Variants in ANKRD7 observed in about 807,000 individuals in gnomAD.
ANKRD7 encodes ankyrin repeat domain-containing protein 7.
A neutral mutation model predicts 30.8 loss-of-function variants in ANKRD7; 30 were observed. The ratio of observed to expected loss-of-function variants is 0.97; its 90% confidence interval spans 0.73 to 1.32. ANKRD7 has a LOEUF of 1.32. Ranked by LOEUF, ANKRD7 falls within the 40% of genes most tolerant of loss-of-function variation. The probability of loss-of-function intolerance (pLI) is 0.00; values close to 1 mark genes in which losing one functional copy is unlikely to be tolerated. For synonymous variants in ANKRD7, 97 were observed against 106.6 expected (o/e 0.91, Z 0.55); for missense variants, 264 against 295.7 (o/e 0.89, Z 0.79).
intron 1 of ANKRD7, among the ~76,000 whole-genome samples, chr7:118,229,468 A>G (rs1809597529): frequency 6.6e-6 from 1 of 152,192 alleles, no homozygotes; most frequent in Admixed American, 6.5e-5. Flanking sequence ...CTCATCACCT[A>G]GAACCCTGCC....
intron 1 of ANKRD7, among the ~76,000 whole-genome samples, chr7:118,230,551 G>A (rs1197995936): frequency 6.6e-6 from 1 of 151,820 alleles, no homozygotes; most frequent in Non-Finnish European, 1.5e-5. Context: ...AATTCATAAA[G>A]TTGTACACTT....
At chr7:118,241,017 G>A (rs897845425) in intron 6 of ANKRD7, among the ~76,000 whole-genome samples, 13 of 149,730 alleles carry the variant, frequency 8.7e-5, no homozygotes, top group African/African-American at 2.9e-4. Flanking sequence ...AGCCGGGCGC[G>A]GTGGCGGGCG....
intron 1 of ANKRD7, 117 bp downstream of exon 1, chr7:118,225,126 G>C: frequency 8.3e-7 from 1 of 1,199,234 alleles, no homozygotes; most frequent in South Asian, 1.4e-5. Flanking sequence ...TCCCAAAGAA[G>C]AGAGATTGTC....
chr7:118,236,106 G>A lies in ANKRD7; in HGVS notation c.534G>A (p.Leu178=), dbSNP rs558248798. 4 of 1,607,976 alleles carry A rather than the reference G, an allele frequency of 2.5e-6. No individual in the cohort carries two copies. The highest frequency in any genetic ancestry group is 2.7e-5 in the African/African-American group (2 of 74,806). ...ATCCAAAAATGGTAAAATTTCTTCT[G>A]GAGAAAGGGGCTGATGTGAATGCTT... ...NNNPKMVKFL[L]EKGADVNASD... The change falls in exon 4 of 7, where the codon CTG becomes CTA. Residue 178 remains leucine, a synonymous_variant. Coordinates refer to ENST00000265224, the MANE Select transcript of ANKRD7 (RefSeq NM_019644.4).
Position 118,237,055 on chromosome 7 carries a change from ATTCTTG to A in ANKRD7, c.712+130_712+135del, listed in dbSNP as rs1809742540. 3 of 964,378 alleles carry A rather than the reference ATTCTTG, an allele frequency of 3.1e-6. No homozygotes were observed. The African/African-American group carries it at 5.0e-5, about 16-fold the overall frequency. The allele number at this position is 964,378 out of a possible 1,614,324, so 59.7% of individuals were successfully genotyped here. A position where few individuals can be genotyped will look rare whatever the true frequency, so the allele number is the denominator to read the frequency against. On this transcript the variant is annotated intron_variant, in intron 5 of 6. Transcript: ENST00000265224. ...TAACCACATACAAATCTGTGCAGGG[ATTCTTG>A]ATTTTCTCTGTTTGTGGGTTCAATC...
intron 1 of ANKRD7, among the ~76,000 whole-genome samples, chr7:118,228,710 C>T (rs1809584113): frequency 6.6e-6 from 1 of 152,132 alleles, no homozygotes; most frequent in African/African-American, 2.4e-5. Flanking sequence ...CCTCTAATTC[C>T]TTCACATCCA....
At chr7:118,238,526 T>A (rs17141130) in intron 5 of ANKRD7, among the ~76,000 whole-genome samples, 23,067 of 152,146 alleles carry the variant, frequency 0.15, 3,289 homozygotes, top group African/African-American at 0.36. Context: ...CTATGTAACG[T>A]ACTTAAGAAT....
rs773527703 is a variant in ANKRD7, at chr7:118,234,781, T to C, written c.375T>C (p.Tyr125=). The change falls in exon 3 of 7, where the codon TAT becomes TAC. Residue 125 remains tyrosine, a synonymous_variant. Coordinates refer to ENST00000265224, the MANE Select transcript of ANKRD7 (RefSeq NM_019644.4). The part of the protein sequence containing the change: ...GADPDLRDIR[Y]NTVLHYAVCG... ...ACCCAGATCTGAGGGATATTCGTTA[T>C]AATACTGTTCTTCACTATGCTGTTT... The C allele has an allele frequency of 1.2e-6, 2 of 1,613,386 alleles. No homozygotes were observed. Among genetic ancestry groups the C allele is most frequent in the East Asian group, 2.2e-5 (1 of 44,790 alleles).
intron 1 of ANKRD7, among the ~76,000 whole-genome samples, chr7:118,225,213 G>A (rs1306698937): frequency 6.6e-6 from 1 of 152,018 alleles, no homozygotes; most frequent in East Asian, 1.9e-4. Context: ...TGGGCCGGGC[G>A]TGGTTGCTCA....
chr7:118,238,186 C>A (rs1329332676), intron 5 of ANKRD7, among the ~76,000 whole-genome samples: 2 of 152,058 alleles, frequency 1.3e-5, no homozygotes, highest in Non-Finnish European at 2.9e-5. Flanking sequence ...ACAGAAAATT[C>A]TTTTTGTAGA....
At chr7:118,228,139 A>T in intron 1 of ANKRD7, 1 of 1,058,500 alleles carries the variant, frequency 9.4e-7, no homozygotes, top group African/African-American at 1.7e-5. Context: ...ATTTCTCCTA[A>T]TTCTGTGGAC....
chr7:118,229,254 G>A (rs1809593578), intron 1 of ANKRD7, among the ~76,000 whole-genome samples: 1 of 152,068 alleles, frequency 6.6e-6, no homozygotes. Flanking sequence ...TTACTAGTGA[G>A]GGCTTCCCTG....
intron 6 of ANKRD7, among the ~76,000 whole-genome samples, chr7:118,240,242 A>G (rs1424290587): frequency 6.6e-6 from 1 of 152,074 alleles, no homozygotes; most frequent in Non-Finnish European, 1.5e-5. Flanking sequence ...TACATGTGCC[A>G]TGCTGGTGCA....
At chr7:118,241,160 C>CAAAAAAAAA (rs60703234) in intron 6 of ANKRD7, among the ~76,000 whole-genome samples, 1 of 21,848 alleles carries the variant, frequency 4.6e-5, no homozygotes, top group African/African-American at 1.4e-4. Context: ...GACTCCGTCT[C>CAAAAAAAAA]AAAAAAAAAA....
At chr7:118,227,799 T>C in intron 1 of ANKRD7, 1 of 1,080,508 alleles carries the variant, frequency 9.3e-7, no homozygotes, top group Non-Finnish European at 1.2e-6. Context: ...TTTTGGGAGT[T>C]TTCAAGTCAT....
intron 1 of ANKRD7, among the ~76,000 whole-genome samples, chr7:118,230,443 T>G (rs974190019): frequency 2.0e-5 from 3 of 151,684 alleles, no homozygotes; most frequent in Admixed American, 1.3e-4. Context: ...AAAAAAAGGA[T>G]AGTGACATAA....
chr7:118,236,656 A>AT, intron 4 of ANKRD7, 134 bp from the exon 5 acceptor site: 2 of 949,788 alleles, frequency 2.1e-6, no homozygotes, highest in Non-Finnish European at 3.2e-6. Context: ...GATCTGCTGT[A>AT]TTTTTTACAT....
intron 1 of ANKRD7, among the ~76,000 whole-genome samples, chr7:118,231,179 A>G (rs1809632632): frequency 6.6e-6 from 1 of 152,024 alleles, no homozygotes; most frequent in Non-Finnish European, 1.5e-5. Flanking sequence ...TTAAACAAAG[A>G]TCTGCAAAGC....
rs868157169 is a variant in ANKRD7, at chr7:118,229,154, C to G, written c.179+4145C>G. On this transcript the variant is annotated intron_variant, in intron 1 of 6. Coordinates refer to ENST00000265224, the MANE Select transcript of ANKRD7 (RefSeq NM_019644.4). The stretch of plus-strand genomic sequence containing the variant: ...AAGACATGCATTTAGGGTTTTTGGA[C>G]TAGCTGGTCCCTCTGCCTGGGGTGC... Among the ~76,000 whole-genome samples, 3 of 152,086 alleles carry G rather than the reference C, an allele frequency of 2.0e-5. No homozygotes were observed. In the South Asian group the frequency reaches 6.2e-4, roughly 32 times the overall value.
Sources: gnomAD v4.1 joint callset for allele counts (sites outside exome capture counted in the v4.1 genomes callset) on GRCh38, gnomAD v4.1.1 for gene constraint, MANE v1.5 for transcripts, NCBI Gene and HGNC (gene_info 2026-07-23, HGNC 2026-07-21) for gene names.